ITSN1: variants seen among roughly 807,000 people sequenced by gnomAD.
ITSN1 encodes the protein intersectin-1.
Under a neutral mutation model 239.8 loss-of-function variants are expected in ITSN1, and 58 were observed. That is an observed-to-expected ratio of 0.24 (90% CI 0.20 to 0.30). The LOEUF (loss-of-function observed/expected upper bound fraction) is 0.30, where lower values mean the gene tolerates loss of function less well. Ranked by LOEUF, ITSN1 falls within the 10% of genes least tolerant of loss-of-function variation. ITSN1 has a pLI of 1.00. For missense variants in ITSN1, 1,558 were observed against 2,103.3 expected, an observed-to-expected ratio of 0.74 and a Z score of 5.07; for synonymous variants, 780 against 770.8, an observed-to-expected ratio of 1.01 and a Z score of -0.20.
intron 29 of ITSN1, among the ~76,000 whole-genome samples, chr21:33,852,769 A>G (rs1053529179): frequency 4.1e-4 from 63 of 152,284 alleles, no homozygotes; most frequent in African/African-American, 1.4e-3. Flanking sequence ...TCCTTCTGTC[A>G]CACCAAGATG....
At chr21:33,766,074 T>G in intron 10 of ITSN1, 62 bp downstream of exon 10, 1 of 1,563,664 alleles carries the variant, frequency 6.4e-7, no homozygotes, top group South Asian at 1.1e-5. Context: ...AAACTTGGCT[T>G]TATTGACTAT....
intron 1 of ITSN1, among the ~76,000 whole-genome samples, chr21:33,660,209 A>C (rs1226637190): frequency 6.6e-6 from 1 of 152,018 alleles, no homozygotes. Flanking sequence ...TTTTACACTC[A>C]CATGTTGCCA....
intron 1 of ITSN1, among the ~76,000 whole-genome samples, chr21:33,686,235 T>G (rs1326447345): frequency 1.3e-5 from 2 of 152,282 alleles, no homozygotes; most frequent in East Asian, 3.9e-4. Context: ...TTACTGTGAT[T>G]AGATTTTTTT....
At chr21:33,845,490 C>T (rs1049348226) in intron 29 of ITSN1, among the ~76,000 whole-genome samples, 8 of 152,132 alleles carry the variant, frequency 5.3e-5, no homozygotes, top group African/African-American at 1.7e-4. Context: ...AGGGGATTCC[C>T]GGTCCTCCGA....
At chr21:33,835,495 G>A (rs1178850846) in intron 28 of ITSN1, among the ~76,000 whole-genome samples, 1 of 152,214 alleles carries the variant, frequency 6.6e-6, no homozygotes, top group East Asian at 1.9e-4. Flanking sequence ...ATCTGAAGTA[G>A]AAGTGCCAAA....
intron 13 of ITSN1, 27 bp from the exon 14 acceptor site, chr21:33,774,941 A>G: frequency 6.2e-7 from 1 of 1,602,980 alleles, no homozygotes; most frequent in Non-Finnish European, 8.5e-7. Flanking sequence ...AACAGTAATA[A>G]TTTTTATTAT....
intron 1 of ITSN1, among the ~76,000 whole-genome samples, chr21:33,661,287 G>C (rs970697726): frequency 1.3e-5 from 2 of 152,072 alleles, no homozygotes; most frequent in Non-Finnish European, 2.9e-5. Context: ...TGATTGCACA[G>C]TGATTTTCTT....
intron 20 of ITSN1, among the ~76,000 whole-genome samples, chr21:33,803,744 TAAAAC>T (rs896041706): frequency 3.3e-5 from 5 of 152,168 alleles, no homozygotes; most frequent in South Asian, 2.1e-4. Flanking sequence ...TAATTTTTAA[TAAAAC>T]AAAATAAATT....
At chr21:33,683,726 CCTT>C (rs2091093739) in intron 1 of ITSN1, among the ~76,000 whole-genome samples, 1 of 152,114 alleles carries the variant, frequency 6.6e-6, no homozygotes, top group Non-Finnish European at 1.5e-5. Context: ...TTATTAAACT[CCTT>C]TAAATAACTC....
chr21:33,801,099 T>C (rs547075248), intron 19 of ITSN1, among the ~76,000 whole-genome samples: 1 of 152,190 alleles, frequency 6.6e-6, no homozygotes, highest in East Asian at 1.9e-4. Flanking sequence ...TTGAATTGCC[T>C]GGGCTCAAAC....
intron 1 of ITSN1, among the ~76,000 whole-genome samples, chr21:33,698,862 C>A (rs1270024746): frequency 6.6e-6 from 1 of 152,164 alleles, no homozygotes; most frequent in Non-Finnish European, 1.5e-5. Flanking sequence ...ATAGGCTCTT[C>A]CAGTTGTTTT....
chr21:33,691,012 T>C (rs1568947821), intron 1 of ITSN1, among the ~76,000 whole-genome samples: 1 of 151,496 alleles, frequency 6.6e-6, no homozygotes, highest in Non-Finnish European at 1.5e-5. Context: ...CTGTGTGAAC[T>C]TCTCTTCATC....
chr21:33,767,664 C>T (rs2068820806), intron 10 of ITSN1, 49 bp from the exon 11 acceptor site: 4 of 1,076,270 alleles, frequency 3.7e-6, no homozygotes, highest in Non-Finnish European at 5.5e-6. Flanking sequence ...TCCAACTCCA[C>T]CCAGACAGCT....
intron 16 of ITSN1, among the ~76,000 whole-genome samples, chr21:33,790,386 AT>A (rs1370025984): frequency 2.0e-5 from 3 of 151,988 alleles, no homozygotes; most frequent in Admixed American, 2.0e-4. Flanking sequence ...TGACTACTTA[AT>A]AATTTCTTAT....
At chr21:33,824,752 G>A (rs917797854) in intron 25 of ITSN1, among the ~76,000 whole-genome samples, 4 of 152,134 alleles carry the variant, frequency 2.6e-5, no homozygotes, top group African/African-American at 9.7e-5. Flanking sequence ...TATTTGCTTG[G>A]GTTTTGTTTT....
At chr21:33,712,947 G>A (rs1026364573) in intron 1 of ITSN1, among the ~76,000 whole-genome samples, 1 of 151,944 alleles carries the variant, frequency 6.6e-6, no homozygotes, top group African/African-American at 2.4e-5. Flanking sequence ...GCAGGATCTC[G>A]GTTCACTGTA....
chr21:33,653,303 G>A (rs2088721552), intron 1 of ITSN1, among the ~76,000 whole-genome samples: 1 of 151,880 alleles, frequency 6.6e-6, no homozygotes, highest in Non-Finnish European at 1.5e-5. Flanking sequence ...CCGTGATTGG[G>A]AAGTTCTGAG....
intron 11 of ITSN1, among the ~76,000 whole-genome samples, chr21:33,769,929 T>C (rs1478661285): frequency 2.0e-5 from 3 of 151,754 alleles, no homozygotes; most frequent in African/African-American, 4.8e-5. Context: ...CTTTTGACTT[T>C]AGGTGATCCA....
intron 29 of ITSN1, among the ~76,000 whole-genome samples, chr21:33,843,886 T>C (rs1175418424): frequency 6.6e-6 from 1 of 152,220 alleles, no homozygotes; most frequent in African/African-American, 2.4e-5. Context: ...AAGCAGAGAA[T>C]AATAGCTTTG....
Sources: allele counts gnomAD v4.1 joint callset (sites outside exome capture counted in the v4.1 genomes callset), GRCh38; gene constraint gnomAD v4.1.1; transcripts MANE v1.5; gene names NCBI Gene and HGNC (gene_info 2026-07-23, HGNC 2026-07-21).